Variants in IGFL4 observed in about 807,000 individuals in gnomAD.
IGFL4 encodes insulin growth factor-like family member 4.
In IGFL4, 12 loss-of-function variants were observed where a neutral mutation model predicts 15.4. That is an observed-to-expected ratio of 0.78 (90% CI 0.50 to 1.26). The LOEUF (loss-of-function observed/expected upper bound fraction) is 1.26. Ranked by LOEUF, IGFL4 falls within the 50% of genes most tolerant of loss-of-function variation. IGFL4 has a pLI of 0.00. For synonymous variants in IGFL4, 54 were observed against 55.9 expected, an observed-to-expected ratio of 0.97 and a Z score of 0.16; for missense variants, 126 against 147.8, an observed-to-expected ratio of 0.85 and a Z score of 0.76.
chr19:46,056,391 T>C (rs141440519), intron 2 of IGFL4, among the ~76,000 whole-genome samples: 1 of 152,308 alleles, frequency 6.6e-6, no homozygotes, highest in Non-Finnish European at 1.5e-5. Flanking sequence ...GAGTCCCTTA[T>C]ATGAAGTTCA....
chr19:46,049,442 G>T (rs2146514795), intron 2 of IGFL4, among the ~76,000 whole-genome samples: 1 of 152,302 alleles, frequency 6.6e-6, no homozygotes, highest in South Asian at 2.1e-4. Context: ...GTGGGAGTGA[G>T]ACTGGCCTTT....
At chr19:46,066,062 G>A (rs959020993) in intron 1 of IGFL4, among the ~76,000 whole-genome samples, 4 of 152,178 alleles carry the variant, frequency 2.6e-5, no homozygotes, top group Admixed American at 2.6e-4. Flanking sequence ...GGCCCTCTCA[G>A]CCAGGTGATT....
intron 2 of IGFL4, among the ~76,000 whole-genome samples, chr19:46,056,635 A>G (rs1969395335): frequency 6.6e-6 from 1 of 152,218 alleles, no homozygotes; most frequent in Non-Finnish European, 1.5e-5. Context: ...TTGCCAGCCC[A>G]TGAATACACA....
chr19:46,066,935 G>A (rs1049705197), intron 1 of IGFL4, among the ~76,000 whole-genome samples: 17 of 152,112 alleles, frequency 1.1e-4, no homozygotes, highest in African/African-American at 2.9e-4. Flanking sequence ...TCACCCAATC[G>A]TACTCCTAAA....
At chr19:46,068,100 A>G (rs747582959) in intron 1 of IGFL4, among the ~76,000 whole-genome samples, 3 of 152,244 alleles carry the variant, frequency 2.0e-5, no homozygotes, top group Non-Finnish European at 4.4e-5. Flanking sequence ...AGGAATTTCA[A>G]TAACTGGGTC....
intron 2 of IGFL4, among the ~76,000 whole-genome samples, chr19:46,051,405 G>A (rs992310969): frequency 6.6e-5 from 10 of 152,044 alleles, no homozygotes; most frequent in Admixed American, 3.9e-4. Context: ...TCAGGTGGGC[G>A]TGGTGGCAGG....
intron 1 of IGFL4, among the ~76,000 whole-genome samples, chr19:46,063,186 A>G (rs749322892): frequency 1.3e-5 from 2 of 152,176 alleles, no homozygotes; most frequent in Non-Finnish European, 2.9e-5. Flanking sequence ...GTAGTTCAGC[A>G]AAGTGAATAT....
At position 46,048,746 on chromosome 19, in the gene IGFL4, C is replaced by T. The variant is rs192390951; in HGVS notation, c.-322-7636G>A. ...GACCTCTTCAAGGAGAACTACAAAT[C>T]ACTGCTCAAAAAAAATCAGATAGGA... On this transcript the variant is annotated intron_variant, in intron 2 of 5. Transcript: ENST00000601672. Among the ~76,000 whole-genome samples, 629 of 152,188 alleles carry T rather than the reference C, an allele frequency of 4.1e-3. 7 individuals carry two copies. Among genetic ancestry groups the T allele is most frequent in the African/African-American group, 0.013 (526 of 41,524 alleles).
intron 1 of IGFL4, among the ~76,000 whole-genome samples, chr19:46,064,947 C>T (rs939710793): frequency 4.6e-5 from 7 of 152,170 alleles, no homozygotes; most frequent in African/African-American, 1.7e-4. Flanking sequence ...TCCCTGCCAG[C>T]ACTTGTTATT....
chr19:46,040,084 G>T lies in IGFL4; in HGVS notation c.330+73C>A. ...GAACCCAGCAGAGACTGCACATCTG[G>T]GTGGGACATGGACAACCAAGCTCCA... On this transcript the variant is annotated intron_variant, in intron 3 of 3. Transcript: ENST00000377697. The surrounding 1 kb of genome is among the most constrained non-coding windows in gnomAD (Gnocchi z 4.1). The T allele has an allele frequency of 1.9e-6, 3 of 1,575,898 alleles. No individual in the cohort carries two copies. Among genetic ancestry groups the T allele is most frequent in the Non-Finnish European group, 1.7e-6 (2 of 1,147,936 alleles).
At chr19:46,075,355 T>C (rs1969585558) in intron 1 of IGFL4, among the ~76,000 whole-genome samples, 1 of 152,212 alleles carries the variant, frequency 6.6e-6, no homozygotes, top group African/African-American at 2.4e-5. Context: ...TAGCCTCCTC[T>C]TGACTGTGAC....
rs756804948 is a variant in IGFL4 at position 46,040,982 on chromosome 19, C to T, written c.-20G>A. The T allele has an allele frequency of 3.8e-5, 60 of 1,578,118 alleles. No individual in the cohort carries two copies. Among genetic ancestry groups the T allele is most frequent in the Middle Eastern group, 3.3e-4 (2 of 6,010 alleles). Reference sequence around the variant, plus strand: ...CACCATGGGTTAGGCTTCAGAGCAGCGGACGAGGGAGCAGCAGTGGAAATG... The same window carrying T: ...CACCATGGGTTAGGCTTCAGAGCAGTGGACGAGGGAGCAGCAGTGGAAATG... On this transcript the variant is annotated 5_prime_UTR_variant, in exon 1 of 4. Coordinates refer to ENST00000377697, the MANE Select transcript of IGFL4 (RefSeq NM_001002923.3). This position sits in a 1 kb window ranked among gnomAD's most constrained non-coding sequence, Gnocchi z 4.1.
upstream of IGFL4, among the ~76,000 whole-genome samples, chr19:46,044,481 C>G (rs187087275): frequency 1.9e-3 from 291 of 152,270 alleles, 3 homozygotes; most frequent in Admixed American, 4.6e-3. Context: ...CGGAGTCTGC[C>G]TGGGTCAGGA....
intron 1 of IGFL4, among the ~76,000 whole-genome samples, chr19:46,071,643 C>A (rs888615542): frequency 2.6e-5 from 4 of 152,202 alleles, no homozygotes; most frequent in Non-Finnish European, 4.4e-5. Flanking sequence ...AGAATGAATT[C>A]ATAAGTTCAA....
At chr19:46,053,163 A>G (rs780364967) in intron 2 of IGFL4, among the ~76,000 whole-genome samples, 3 of 152,128 alleles carry the variant, frequency 2.0e-5, no homozygotes, top group Non-Finnish European at 4.4e-5. Flanking sequence ...TTACACTGCA[A>G]TATAGCCAGG....
intron 1 of IGFL4, among the ~76,000 whole-genome samples, chr19:46,062,400 C>T (rs1314097762): frequency 6.6e-6 from 1 of 152,236 alleles, no homozygotes; most frequent in Non-Finnish European, 1.5e-5. Flanking sequence ...ACCTACTGAG[C>T]TACAGCACTG....
intron 2 of IGFL4, among the ~76,000 whole-genome samples, chr19:46,046,839 G>A (rs1323158286): frequency 1.3e-5 from 2 of 152,170 alleles, no homozygotes; most frequent in African/African-American, 4.8e-5. Context: ...GTCAATATTA[G>A]ATCATCGAGA....
Position 46,040,625 on chromosome 19 carries a change from G to T in IGFL4, c.20-57C>A, listed in dbSNP as rs781724538. Reference sequence around the variant, plus strand: ...TGAGGTCACTAGGTCTTGACCACGGGGCACAGGATGATGTCTCTGAGCTTC... The same window carrying T: ...TGAGGTCACTAGGTCTTGACCACGGTGCACAGGATGATGTCTCTGAGCTTC... On this transcript the variant is annotated intron_variant, in intron 1 of 3. Transcript: ENST00000377697. The surrounding 1 kb of genome is among the most constrained non-coding windows in gnomAD (Gnocchi z 4.1). 4.4e-5 allele frequency: 69 copies of T among 1,569,696 alleles called. No homozygotes were observed. Among genetic ancestry groups the T allele is most frequent in the Non-Finnish European group, 5.7e-5 (65 of 1,141,010 alleles).
chr19:46,073,891 C>A (rs534733886), intron 1 of IGFL4, among the ~76,000 whole-genome samples: 2 of 152,238 alleles, frequency 1.3e-5, no homozygotes, highest in South Asian at 4.1e-4. Context: ...ATTATTGTAA[C>A]ACATAAAATG....
Sources: allele counts gnomAD v4.1 joint callset (sites outside exome capture counted in the v4.1 genomes callset), GRCh38; gene constraint gnomAD v4.1.1; non-coding constraint Gnocchi (gnomAD v3.1); transcripts MANE v1.5; gene names NCBI Gene and HGNC (gene_info 2026-07-23, HGNC 2026-07-21).